Variants in RERE observed in about 807,000 individuals in gnomAD.
RERE encodes arginine-glutamic acid dipeptide repeats, also known as arginine-glutamic acid dipeptide repeats protein.
Under a neutral mutation model 146.1 loss-of-function variants are expected in RERE, and 40 were observed. That is an observed-to-expected ratio of 0.27 (90% CI 0.21 to 0.36). The LOEUF (loss-of-function observed/expected upper bound fraction) is 0.36. Ranked by LOEUF, RERE falls within the 10% of genes least tolerant of loss-of-function variation. RERE has a pLI of 1.00. For synonymous variants in RERE, 1,003 were observed against 866.0 expected (o/e 1.16, Z -2.78); for missense variants, 1,933 against 2,138.7 (o/e 0.90, Z 1.90).
rs759141603 is a variant in RERE at position 8,656,007 on chromosome 1, G to A, written c.291C>T (p.Tyr97=). 6.2e-7 allele frequency: 1 copy of A among 1,614,094 alleles called. No individual in the cohort carries two copies. Among genetic ancestry groups the A allele is most frequent in the Non-Finnish European group, 8.5e-7 (1 of 1,179,988 alleles). ...ERTDTGEITS[Y]ITEDDVVYRP... is the part of the protein sequence containing the mutation. ...TGTAGACCACATCATCTTCAGTGAT[G>A]TAGGATGTTATCTCACCGGTATCTG... The change falls in exon 2 of 23, where the codon TAC becomes TAT. Residue 97 remains tyrosine, a synonymous_variant. Coordinates refer to ENST00000400908, the MANE Select transcript of RERE (RefSeq NM_001042681.2).
At chr1:8,454,966 C>A (rs868574753) in intron 11 of RERE, among the ~76,000 whole-genome samples, 1 of 152,104 alleles carries the variant, frequency 6.6e-6, no homozygotes, top group Middle Eastern at 3.2e-3. Flanking sequence ...TCTCCACAAA[C>A]CACCAGGCCT....
At chr1:8,701,601 G>A (rs1639452344) in intron 1 of RERE, among the ~76,000 whole-genome samples, 1 of 152,046 alleles carries the variant, frequency 6.6e-6, no homozygotes, top group Admixed American at 6.5e-5. Context: ...ATCAGCCACG[G>A]GGAGGGAAAA....
chr1:8,815,829 T>C (rs181062587), intron 1 of RERE, among the ~76,000 whole-genome samples: 98 of 149,968 alleles, frequency 6.5e-4, no homozygotes, highest in African/African-American at 2.3e-3. Flanking sequence ...CAGCTTGGTA[T>C]TGTGTGTGTG....
Position 8,817,245 on chromosome 1 carries a change from G to A in RERE, c.-230C>T, listed in dbSNP as rs1470486450. The A allele has an allele frequency of 6.6e-6, 1 of 152,534 alleles. No homozygotes were observed. Among genetic ancestry groups the A allele is most frequent in the South Asian group, 2.1e-4 (1 of 4,844 alleles). The allele number at this position is 152,534 out of a possible 1,614,324, so 9.4% of individuals were successfully genotyped here. A position where few individuals can be genotyped will look rare whatever the true frequency, so the allele number is the denominator to read the frequency against. The stretch of plus-strand genomic sequence containing the variant: ...TGGCGGGGATGGGGCGGGAGGCCGC[G>A]CGGAGGCTGCGGGGCCGCGGGGCGC... On this transcript the variant is annotated 5_prime_UTR_variant, in exon 1 of 23. Coordinates refer to ENST00000400908, the MANE Select transcript of RERE (RefSeq NM_001042681.2).
At chr1:8,517,742 C>G (rs1283454890) in intron 7 of RERE, among the ~76,000 whole-genome samples, 3 of 152,114 alleles carry the variant, frequency 2.0e-5, no homozygotes, top group African/African-American at 7.2e-5. Context: ...AAGCAGTATC[C>G]ATAGCAACTA....
intron 1 of RERE, among the ~76,000 whole-genome samples, chr1:8,679,593 G>A (rs1638919095): frequency 6.6e-6 from 1 of 151,998 alleles, no homozygotes; most frequent in South Asian, 2.1e-4. Flanking sequence ...TGACAGCCTG[G>A]GTACAATCTT....
At chr1:8,662,487 A>T (rs1438734359) in intron 1 of RERE, among the ~76,000 whole-genome samples, 3 of 152,212 alleles carry the variant, frequency 2.0e-5, no homozygotes, top group Non-Finnish European at 4.4e-5. Context: ...TTTGAGACCA[A>T]CCTGGGAAAC....
chr1:8,381,695 A>G (rs1166988906), intron 12 of RERE, among the ~76,000 whole-genome samples: 1 of 152,238 alleles, frequency 6.6e-6, no homozygotes, highest in East Asian at 1.9e-4. Context: ...ACTCTCAAAA[A>G]TGAAAATGAT....
At chr1:8,422,521 G>A (rs1256427860) in intron 12 of RERE, among the ~76,000 whole-genome samples, 1 of 152,102 alleles carries the variant, frequency 6.6e-6, no homozygotes, top group African/African-American at 2.4e-5. Flanking sequence ...TTCTCCAGGC[G>A]GATAAGCATA....
At chr1:8,592,303 T>C (rs1024494721) in intron 4 of RERE, among the ~76,000 whole-genome samples, 12 of 152,100 alleles carry the variant, frequency 7.9e-5, no homozygotes, top group Non-Finnish European at 1.3e-4. Flanking sequence ...TCTCTGTCTG[T>C]CACCCAGGCT....
intron 4 of RERE, among the ~76,000 whole-genome samples, chr1:8,584,226 A>C (rs1008904648): frequency 2.0e-5 from 3 of 152,114 alleles, no homozygotes; most frequent in African/African-American, 7.2e-5. Flanking sequence ...AAAAGAAATA[A>C]AAAATATGAA....
chr1:8,561,631 C>G (rs1014291804), intron 4 of RERE, among the ~76,000 whole-genome samples: 1 of 152,182 alleles, frequency 6.6e-6, no homozygotes, highest in African/African-American at 2.4e-5. Flanking sequence ...GTGGGAGAAT[C>G]TCTAATTTTT....
intron 7 of RERE, chr1:8,511,826 G>A (rs1424508459): frequency 6.9e-6 from 1 of 144,784 alleles, no homozygotes; most frequent in Non-Finnish European, 1.5e-5. Context: ...CATCACCCTT[G>A]ATAGGTCAGG....
At chr1:8,652,211 T>C (rs1182415212) in intron 2 of RERE, among the ~76,000 whole-genome samples, 1 of 152,092 alleles carries the variant, frequency 6.6e-6, no homozygotes, top group Admixed American at 6.5e-5. Context: ...AGCAAAAGGG[T>C]GCCTCACATG....
intron 1 of RERE, among the ~76,000 whole-genome samples, chr1:8,780,777 T>C (rs763162998): frequency 6.6e-6 from 1 of 152,230 alleles, no homozygotes; most frequent in Non-Finnish European, 1.5e-5. Flanking sequence ...TTATGTCATC[T>C]GAGAGCAATC....
intron 12 of RERE, among the ~76,000 whole-genome samples, chr1:8,375,317 AT>A (rs1464437604): frequency 6.6e-6 from 1 of 152,234 alleles, no homozygotes; most frequent in Non-Finnish European, 1.5e-5. Context: ...TCTCATCATT[AT>A]TTTGTAAAAG....
chr1:8,800,066 G>A (rs1394730248), intron 1 of RERE, among the ~76,000 whole-genome samples: 1 of 151,928 alleles, frequency 6.6e-6, no homozygotes, highest in East Asian at 1.9e-4. Flanking sequence ...TGCCTGCCTC[G>A]GCCTCCCAAA....
chr1:8,707,260 G>A (rs757338029), intron 1 of RERE, among the ~76,000 whole-genome samples: 1 of 152,196 alleles, frequency 6.6e-6, no homozygotes, highest in Non-Finnish European at 1.5e-5. Flanking sequence ...GCTGACATCT[G>A]ACTTTATCCT....
At chr1:8,394,222 T>C (rs1642977344) in intron 12 of RERE, among the ~76,000 whole-genome samples, 1 of 152,176 alleles carries the variant, frequency 6.6e-6, no homozygotes, top group African/African-American at 2.4e-5. Flanking sequence ...ACAGACACAA[T>C]TCATCTTGCA....
Sources: allele counts gnomAD v4.1 joint callset (sites outside exome capture counted in the v4.1 genomes callset), GRCh38; gene constraint gnomAD v4.1.1; transcripts MANE v1.5; gene names NCBI Gene and HGNC (gene_info 2026-07-23, HGNC 2026-07-21).